The following OTUD7B variants were observed in gnomAD, a reference collection of about 807,000 sequenced individuals.
OTUD7B encodes the protein OTU deubiquitinase 7B, also known as OTU domain-containing protein 7B.
In OTUD7B, 34 loss-of-function variants were observed where a neutral mutation model predicts 82.2. That is an observed-to-expected ratio of 0.41 (90% CI 0.31 to 0.55). The LOEUF is 0.55. OTUD7B is among the 20% of genes least tolerant of loss of function. OTUD7B has a pLI of 0.20. For missense variants in OTUD7B, 944 were observed against 1,062.1 expected (o/e 0.89, Z 1.55); for synonymous variants, 398 against 402.7 (o/e 0.99, Z 0.14).
chr1:150,057,578 G>C, the OTUD7B span, among the ~76,000 whole-genome samples: 4 of 152,260 alleles, frequency 2.6e-5, no homozygotes, highest in African/African-American at 9.6e-5. Context: ...TAAGGAGATT[G>C]GATGATGACG....
upstream of OTUD7B, among the ~76,000 whole-genome samples, chr1:150,013,100 C>A (rs1653145268): frequency 6.6e-6 from 1 of 152,232 alleles, no homozygotes; most frequent in Non-Finnish European, 1.5e-5. Flanking sequence ...TTGACTATTT[C>A]TTGCTGCTAG....
intron 6 of OTUD7B, among the ~76,000 whole-genome samples, 199 bp from the exon 7 acceptor site, chr1:149,959,995 T>C (rs1649020433): frequency 6.6e-6 from 1 of 152,206 alleles, no homozygotes. Context: ...TAAACTTCTT[T>C]ATCATCCATT....
chr1:150,060,058 A>G, the OTUD7B span, among the ~76,000 whole-genome samples: 32 of 152,336 alleles, frequency 2.1e-4, no homozygotes, highest in Middle Eastern at 0.014. Flanking sequence ...AAGTAGGGCC[A>G]TATGTTCCTA....
rs1553770264 is a variant in OTUD7B at position 149,940,793 on chromosome 1, A to T, written c.*3064T>A. On this transcript the variant is annotated 3_prime_UTR_variant, in exon 12 of 12. Coordinates refer to ENST00000581312, the MANE Select transcript of OTUD7B (RefSeq NM_020205.4). ...GTAACGACATGGGCTTGCCTCTTCT[A>T]TTCCCTCATCTTCCCAAAATACCAC... 6.6e-6 allele frequency: 1 copy of T among 151,516 alleles called. No homozygotes were observed. Among genetic ancestry groups the T allele is most frequent in the Non-Finnish European group, 1.5e-5 (1 of 67,858 alleles). 9.4% of individuals were successfully genotyped at this position (151,516 alleles called of 1,614,324 possible).
Position 149,943,071 on chromosome 1 carries a change from C to T in OTUD7B, c.*786G>A, listed in dbSNP as rs41265174. Reference sequence around the variant, plus strand: ...CCTGGAGAAAATGCAACACACATGACGGCTGTTCTCACCACACTCTTCCCT... The same window carrying T: ...CCTGGAGAAAATGCAACACACATGATGGCTGTTCTCACCACACTCTTCCCT... On this transcript the variant is annotated 3_prime_UTR_variant, in exon 12 of 12. Coordinates refer to ENST00000581312, the MANE Select transcript of OTUD7B (RefSeq NM_020205.4). 6.6e-6 allele frequency: 1 copy of T among 152,624 alleles called. No individual in the cohort carries two copies. The highest frequency in any genetic ancestry group is 1.5e-5 in the Non-Finnish European group (1 of 68,058). The allele number at this position is 152,624 out of a possible 1,614,324, so 9.5% of individuals were successfully genotyped here.
intron 1 of OTUD7B, among the ~76,000 whole-genome samples, chr1:149,991,412 A>G (rs1171932741): frequency 6.6e-6 from 1 of 152,246 alleles, no homozygotes; most frequent in African/African-American, 2.4e-5. Context: ...TTACAAGCAT[A>G]TAACACAATC....
intron 1 of OTUD7B, among the ~76,000 whole-genome samples, chr1:149,981,868 G>C (rs1650755428): frequency 6.6e-6 from 1 of 152,060 alleles, no homozygotes; most frequent in South Asian, 2.1e-4. Context: ...ACTCTTACTC[G>C]GCCAGGCACA....
chr1:150,031,570 A>G, the OTUD7B span, among the ~76,000 whole-genome samples: 1 of 152,232 alleles, frequency 6.6e-6, no homozygotes, highest in Non-Finnish European at 1.5e-5. Flanking sequence ...AAAAATTTTA[A>G]GCACCAAAAT....
At chr1:150,019,331 A>G in the OTUD7B span, among the ~76,000 whole-genome samples, 10 of 152,070 alleles carry the variant, frequency 6.6e-5, no homozygotes, top group Non-Finnish European at 1.2e-4. Flanking sequence ...ATCATTTCCC[A>G]GCTCAAAAGC....
rs587736478 is a variant in OTUD7B at position 149,965,412 on chromosome 1, G to C, written c.604+365C>G. On this transcript the variant is annotated intron_variant, in intron 5 of 11. Transcript: ENST00000581312. ...AATAAAGTAAGTGTGTGTTACAAAGGACTGCTAAAAACATACCTTTTTCAT... is the reference window on the plus strand; with the variant it reads ...AATAAAGTAAGTGTGTGTTACAAAGCACTGCTAAAAACATACCTTTTTCAT... 8.3e-4 allele frequency among the ~76,000 whole-genome samples: 126 copies of C among 152,218 alleles called. 1 individual carries two copies. The highest frequency in any genetic ancestry group is 3.0e-3 in the African/African-American group (124 of 41,534).
chr1:149,960,413 T>TTTCTG (rs1366020859), intron 6 of OTUD7B, among the ~76,000 whole-genome samples: 13 of 72,566 alleles, frequency 1.8e-4, no homozygotes, highest in South Asian at 5.4e-4. Context: ...TTTTTTTTTG[T>TTTCTG]AGACAGAGTC....
rs782273378 is a variant in OTUD7B at position 149,950,101 on chromosome 1, T to C, written c.966A>G (p.Gly322=). 3 of 1,613,928 alleles carry C rather than the reference T, an allele frequency of 1.9e-6. No homozygotes were observed. Among genetic ancestry groups the C allele is most frequent in the Non-Finnish European group, 2.5e-6 (3 of 1,180,028 alleles). Residue 322 remains glycine (G), a synonymous_variant, in exon 8 of 12, where the codon GGA becomes GGG. Coordinates refer to ENST00000581312, the MANE Select transcript of OTUD7B (RefSeq NM_020205.4). ...VVADTMLRDS[G]GEAFAPIPFG... ...ACTGACTGGCTGACTCACCTTCCCC[T>C]CCGGAGTCCCTCAGCATGGTGTCTG...
chr1:149,990,841 A>T (rs1462931919), intron 1 of OTUD7B, among the ~76,000 whole-genome samples: 4 of 152,152 alleles, frequency 2.6e-5, no homozygotes, highest in Non-Finnish European at 5.9e-5. Flanking sequence ...AATACAAAAA[A>T]TTAGCCAGGC....
At position 149,939,389 on chromosome 1, in the gene OTUD7B, A is replaced by G. The variant is rs1230900352; in HGVS notation, c.*4468T>C. 1 of 152,250 alleles carries G rather than the reference A, an allele frequency of 6.6e-6. No individual in the cohort carries two copies. The highest frequency in any genetic ancestry group is 1.5e-5 in the Non-Finnish European group (1 of 68,042). 9.4% of individuals were successfully genotyped at this position (152,250 alleles called of 1,614,324 possible). On this transcript the variant is annotated 3_prime_UTR_variant, in exon 12 of 12. Coordinates refer to ENST00000581312, the MANE Select transcript of OTUD7B (RefSeq NM_020205.4). ...GCACAGAGAAAGTCTACATGGGGACATCGTAATATTTTGTTACCCAACTGA... is the reference window on the plus strand; with the variant it reads ...GCACAGAGAAAGTCTACATGGGGACGTCGTAATATTTTGTTACCCAACTGA...
At chr1:149,950,271 G>C (rs184201612) in intron 7 of OTUD7B, 50 bp from the exon 8 acceptor site, 5 of 1,597,802 alleles carry the variant, frequency 3.1e-6, no homozygotes, top group Non-Finnish European at 4.3e-6. Flanking sequence ...AAAAATGAGA[G>C]AGTAGAAACA....
chr1:149,940,323 T>TA lies in OTUD7B; in HGVS notation c.*3533dup, dbSNP rs1399577764. The TA allele has an allele frequency of 2.0e-5, 3 of 152,202 alleles. No homozygotes were observed. The highest frequency in any genetic ancestry group is 2.9e-5 in the Non-Finnish European group (2 of 68,034). The allele number at this position is 152,202 out of a possible 1,614,324, so 9.4% of individuals were successfully genotyped here. Reference sequence around the variant, plus strand: ...CCACTCCTTAAAAAGACTGAATCTTTAAAAAATCTTTGGATATAATCTTTT... The same window carrying TA: ...CCACTCCTTAAAAAGACTGAATCTTTAAAAAAATCTTTGGATATAATCTTTT... On this transcript the variant is annotated 3_prime_UTR_variant, in exon 12 of 12. Transcript: ENST00000581312.
the OTUD7B span, among the ~76,000 whole-genome samples, chr1:150,061,599 A>G: frequency 6.6e-6 from 1 of 152,176 alleles, no homozygotes; most frequent in Non-Finnish European, 1.5e-5. Flanking sequence ...AATCTTGGAA[A>G]AGCATATAGG....
chr1:150,054,149 G>A, the OTUD7B span: 3 of 356,624 alleles, frequency 8.4e-6, no homozygotes, highest in Non-Finnish European at 1.6e-5. Flanking sequence ...AAAACCAGCT[G>A]GTGGTGGCAA....
intron 2 of OTUD7B, among the ~76,000 whole-genome samples, chr1:149,976,633 A>AAAT (rs1176193849): frequency 0.87 from 89,675 of 103,060 alleles, 40,056 homozygotes; most frequent in Middle Eastern, 0.96. Flanking sequence ...AAAAAAAAAT[A>AAAT]CTAGAACATT....
Sources: gnomAD v4.1 joint callset for allele counts (sites outside exome capture counted in the v4.1 genomes callset) on GRCh38, gnomAD v4.1.1 for gene constraint, MANE v1.5 for transcripts, NCBI Gene and HGNC (gene_info 2026-07-23, HGNC 2026-07-21) for gene names.